Variants in ZNF862 observed in about 807,000 individuals in gnomAD.
ZNF862 encodes zinc finger protein 862.
A neutral mutation model predicts 91.1 loss-of-function variants in ZNF862; 64 were observed. That is an observed-to-expected ratio of 0.70 (90% CI 0.57 to 0.87). The LOEUF is 0.87. Ranked by LOEUF, ZNF862 falls within the 40% of genes least tolerant of loss-of-function variation. The probability of loss-of-function intolerance (pLI) is 0.00; values close to 1 mark genes in which losing one functional copy is unlikely to be tolerated. For missense variants in ZNF862, 1,459 were observed against 1,528.0 expected (o/e 0.95, Z 0.75); for synonymous variants, 631 against 618.1 (o/e 1.02, Z -0.31).
chr7:149,849,279 T>C (rs1341873978), intron 4 of ZNF862, among the ~76,000 whole-genome samples: 1 of 152,222 alleles, frequency 6.6e-6, no homozygotes, highest in Admixed American at 6.5e-5. Flanking sequence ...TCCAGGGTCC[T>C]AGAGCTCTTG....
intron 1 of ZNF862, among the ~76,000 whole-genome samples, chr7:149,843,461 G>T (rs562175965): frequency 6.6e-6 from 1 of 152,028 alleles, no homozygotes; most frequent in Non-Finnish European, 1.5e-5. Context: ...TTGTTGCGTG[G>T]CTGTGGTACC....
Position 149,847,843 on chromosome 7 carries a change from C to G in ZNF862, c.350C>G (p.Thr117Arg), listed in dbSNP as rs752941463. 3.7e-6 allele frequency: 6 copies of G among 1,613,644 alleles called. No individual in the cohort carries two copies. Among genetic ancestry groups the G allele is most frequent in the Non-Finnish European group, 5.1e-6 (6 of 1,179,752 alleles). ...QKKAYLSHLS[T>R]GSGHIEGDWA... is the part of the protein sequence containing the mutation. The stretch of plus-strand genomic sequence containing the variant: ...AAAGCCTACCTTTCCCACCTCAGTA[C>G]AGGCAGTGGACACATCGAGGGAGAC... Residue 117 changes from threonine to arginine, a missense_variant, in exon 4 of 8, where the codon ACA becomes AGA. Transcript: ENST00000223210.
chr7:149,866,189 C>A lies in ZNF862; in HGVS notation c.*1905C>A, dbSNP rs1287203155. The A allele has an allele frequency of 6.6e-6, 1 of 152,234 alleles. No individual in the cohort carries two copies. Among genetic ancestry groups the A allele is most frequent in the Non-Finnish European group, 1.5e-5 (1 of 68,070 alleles). The allele number at this position is 152,234 out of a possible 1,614,324, so 9.4% of individuals were successfully genotyped here. ...TGCCTTTGACCTGTGGAAATGTCTC[C>A]CAGCCCTGTGGGTCTGGCGGTCAGA... On this transcript the variant is annotated 3_prime_UTR_variant, in exon 8 of 8. Coordinates refer to ENST00000223210, the MANE Select transcript of ZNF862 (RefSeq NM_001099220.3).
At position 149,850,428 on chromosome 7, in the gene ZNF862, C is replaced by A. The variant is rs375545795; in HGVS notation, c.1117+90C>A. 6.0e-6 allele frequency: 8 copies of A among 1,340,372 alleles called. No individual in the cohort carries two copies. The East Asian group carries it at 1.5e-4, about 25-fold the overall frequency. 83.0% of individuals were successfully genotyped at this position (1,340,372 alleles called of 1,614,324 possible). A position where few individuals can be genotyped will look rare whatever the true frequency, so the allele number is the denominator to read the frequency against. On this transcript the variant is annotated intron_variant, in intron 5 of 7. Coordinates refer to ENST00000223210, the MANE Select transcript of ZNF862 (RefSeq NM_001099220.3). The surrounding 1 kb of genome is among the most constrained non-coding windows in gnomAD (Gnocchi z 4.2). Reference sequence around the variant, plus strand: ...TGTGGCTTGTGGTTATCTTCCCATTCCTGCCCCCTCCCTGTGTGTAGGCAG... The same window carrying A: ...TGTGGCTTGTGGTTATCTTCCCATTACTGCCCCCTCCCTGTGTGTAGGCAG...
chr7:149,846,410 C>T (rs563460090), intron 3 of ZNF862, among the ~76,000 whole-genome samples, 155 bp downstream of exon 3: 1 of 152,352 alleles, frequency 6.6e-6, no homozygotes, highest in Non-Finnish European at 1.5e-5. Context: ...CCTAAATATA[C>T]ACACTGCCCC....
At chr7:149,856,817 C>T (rs990481012) in intron 5 of ZNF862, among the ~76,000 whole-genome samples, 3 of 152,192 alleles carry the variant, frequency 2.0e-5, no homozygotes, top group African/African-American at 4.8e-5. Flanking sequence ...CAGTGGCTTC[C>T]TAAGGAAGGG....
At chr7:149,844,775 A>AG (rs769650019) in intron 2 of ZNF862, 39 bp downstream of exon 2, 1 of 1,374,774 alleles carries the variant, frequency 7.3e-7, no homozygotes, top group Non-Finnish European at 1.0e-6. Flanking sequence ...CTGTCAATTT[A>AG]GATCGGCATT....
intron 5 of ZNF862, chr7:149,858,992 C>A (rs1802355902): frequency 6.9e-6 from 1 of 144,086 alleles, no homozygotes; most frequent in Non-Finnish European, 1.3e-5. Context: ...GCTGTGGGGG[C>A]AGAGGGGCAC....
At chr7:149,849,153 GT>G (rs1168591330) in intron 4 of ZNF862, among the ~76,000 whole-genome samples, 1 of 152,218 alleles carries the variant, frequency 6.6e-6, no homozygotes, top group African/African-American at 2.4e-5. Flanking sequence ...AAACATTGCA[GT>G]TTTTTCACAC....
rs1384174017 is a variant in ZNF862, at chr7:149,861,072, G to T, written c.1912G>T (p.Ala638Ser). 1.2e-6 allele frequency: 2 copies of T among 1,612,682 alleles called. No homozygotes were observed. The highest frequency in any genetic ancestry group is 2.7e-5 in the African/African-American group (2 of 74,922). The change falls in exon 7 of 8, where the codon GCC (alanine) becomes TCC (serine). Residue 638 changes from alanine to serine, a missense_variant. Coordinates refer to ENST00000223210, the MANE Select transcript of ZNF862 (RefSeq NM_001099220.3). The surrounding 1 kb of genome is among the most constrained non-coding windows in gnomAD (Gnocchi z 6.7). ...LDSSTDASEQ[A>S]CVGIYIRYFK... ...CAGCTCCACCGACGCCTCCGAGCAGGCCTGCGTGGGGATTTACATCCGCTA... is the reference window on the plus strand; with the variant it reads ...CAGCTCCACCGACGCCTCCGAGCAGTCCTGCGTGGGGATTTACATCCGCTA...
rs777973015 is a variant in ZNF862, at chr7:149,861,204, GACATCCCC to G, written c.2045_2052del (p.Asp682ValfsTer63). On this transcript the variant is annotated frameshift_variant, in exon 7 of 8. Transcript: ENST00000223210. LOFTEE classifies it high-confidence loss of function. The surrounding 1 kb of genome is among the most constrained non-coding windows in gnomAD (Gnocchi z 6.7). ...CATCGTTTCTGCCCTGGATGAGCTG[GACATCCCC>G]TTCCGGAAGCCTGGCTGGGTGGTGG... 2 of 1,612,570 alleles carry G rather than the reference GACATCCCC, an allele frequency of 1.2e-6. No homozygotes were observed. Among genetic ancestry groups the G allele is most frequent in the Admixed American group, 3.3e-5 (2 of 59,914 alleles).
intron 4 of ZNF862, among the ~76,000 whole-genome samples, chr7:149,849,814 G>C (rs1405534431): frequency 1.3e-5 from 2 of 152,136 alleles, no homozygotes; most frequent in African/African-American, 4.8e-5. Context: ...GGTGCTCCTA[G>C]AGGCACACAG....
At chr7:149,863,988 G>A (rs1802616804) in intron 7 of ZNF862, 121 bp from the exon 8 acceptor site, 1 of 964,730 alleles carries the variant, frequency 1.0e-6, no homozygotes, top group Non-Finnish European at 1.5e-6. Flanking sequence ...AAGAGCAGTC[G>A]TGGTCCTGAC....
At position 149,848,009 on chromosome 7, in the gene ZNF862, C is replaced by T; in HGVS notation, c.516C>T (p.Asp172=). 6.2e-7 allele frequency: 1 copy of T among 1,613,598 alleles called. No homozygotes were observed. Among genetic ancestry groups the T allele is most frequent in the East Asian group, 2.2e-5 (1 of 44,880 alleles). The change falls in exon 4 of 8, where the codon GAC becomes GAT. Residue 172 remains aspartate, a synonymous_variant. Coordinates refer to ENST00000223210, the MANE Select transcript of ZNF862 (RefSeq NM_001099220.3). ...GCCGAGAATACCCCTCCATCAGGGA[C>T]AAACGGTCAAGACTAATAGAAGGTT... ...SACREYPSIR[D]KRSRLIEGYT...
intron 3 of ZNF862, 54 bp downstream of exon 3, chr7:149,846,309 G>A: frequency 4.3e-6 from 6 of 1,395,734 alleles, no homozygotes; most frequent in Admixed American, 1.8e-5. Context: ...GGGAGCATGG[G>A]CAGCCCCAGG....
chr7:149,846,015 A>G (rs1449332557), intron 2 of ZNF862, 136 bp from the exon 3 acceptor site: 1 of 645,226 alleles, frequency 1.5e-6, no homozygotes. Flanking sequence ...CAAGACTCCT[A>G]CTTTCCTCCT....
intron 4 of ZNF862, 146 bp downstream of exon 4, chr7:149,848,578 C>A: frequency 1.5e-6 from 1 of 661,902 alleles, no homozygotes; most frequent in South Asian, 2.7e-5. Flanking sequence ...ACATGCTTAT[C>A]ATGGACTAGG....
chr7:149,846,042 C>A, intron 2 of ZNF862, 109 bp from the exon 3 acceptor site: 1 of 754,526 alleles, frequency 1.3e-6, no homozygotes, highest in Non-Finnish European at 2.2e-6. Flanking sequence ...CTTATCTCAC[C>A]ATGCCGAGAG....
intron 4 of ZNF862, among the ~76,000 whole-genome samples, chr7:149,849,900 A>G (rs1802003926): frequency 6.6e-6 from 1 of 152,244 alleles, no homozygotes; most frequent in Non-Finnish European, 1.5e-5. Flanking sequence ...GGCTCTGCCC[A>G]GCTGCCTGTT....
Sources: gnomAD v4.1 joint callset for allele counts (sites outside exome capture counted in the v4.1 genomes callset) on GRCh38, gnomAD v4.1.1 for gene constraint, Gnocchi (gnomAD v3.1) non-coding constraint, MANE v1.5 for transcripts, NCBI Gene and HGNC (gene_info 2026-07-23, HGNC 2026-07-21) for gene names.